TAF4: variants seen among roughly 807,000 people sequenced by gnomAD.
The protein encoded by TAF4 is transcription initiation factor TFIID subunit 4.
In TAF4, 9 loss-of-function variants were observed where a neutral mutation model predicts 90.3. The observed-to-expected ratio is 0.10, with a 90% CI of 0.06 to 0.17. The LOEUF is 0.17. Ranked by LOEUF, TAF4 falls within the 10% of genes least tolerant of loss-of-function variation. The pLI, the probability that TAF4 is intolerant of heterozygous loss-of-function variation, is 1.00. For synonymous variants in TAF4, 818 were observed against 638.9 expected (o/e 1.28, Z -4.23); for missense variants, 1,351 against 1,370.7 (o/e 0.99, Z 0.23).
intron 1 of TAF4, among the ~76,000 whole-genome samples, chr20:62,016,063 A>G (rs2055810336): frequency 6.6e-6 from 1 of 152,230 alleles, no homozygotes; most frequent in South Asian, 2.1e-4. Flanking sequence ...AAAGGCCTCC[A>G]AGGCTCCGTC....
intron 1 of TAF4, among the ~76,000 whole-genome samples, chr20:62,015,964 T>C (rs909860859): frequency 4.6e-5 from 7 of 152,158 alleles, no homozygotes; most frequent in Admixed American, 3.9e-4. Context: ...AAATAAACCA[T>C]GCTGAAATCA....
intron 1 of TAF4, chr20:62,064,166 G>C: frequency 5.6e-6 from 2 of 358,210 alleles, no homozygotes; most frequent in East Asian, 4.2e-5. Flanking sequence ...TCCACTAAGA[G>C]TCCTGGCTGA....
At chr20:62,056,590 C>T (rs1399692274) in intron 1 of TAF4, among the ~76,000 whole-genome samples, 1 of 152,072 alleles carries the variant, frequency 6.6e-6, no homozygotes, top group African/African-American at 2.4e-5. Context: ...CTGAGACCAC[C>T]GAGGGCCAAG....
intron 14 of TAF4, among the ~76,000 whole-genome samples, chr20:61,992,799 G>T (rs890382156): frequency 6.6e-6 from 1 of 152,234 alleles, no homozygotes; most frequent in East Asian, 1.9e-4. Context: ...ACGTCCAGAC[G>T]GCAAGGACAT....
chr20:62,026,408 G>A (rs886987692), intron 1 of TAF4, among the ~76,000 whole-genome samples: 1 of 152,162 alleles, frequency 6.6e-6, no homozygotes, highest in Non-Finnish European at 1.5e-5. Flanking sequence ...AGCTGCAGGG[G>A]TTCTCAGCTC....
chr20:61,980,023 T>TGG (rs980936451), intron 14 of TAF4: 4 of 152,512 alleles, frequency 2.6e-5, no homozygotes, highest in Non-Finnish European at 5.9e-5. Context: ...CACAGGGGCT[T>TGG]GGGGTTTGTT....
intron 1 of TAF4, among the ~76,000 whole-genome samples, chr20:62,044,087 T>C (rs1370554534): frequency 1.3e-5 from 2 of 152,250 alleles, no homozygotes; most frequent in Admixed American, 6.5e-5. Flanking sequence ...GCTTATTATA[T>C]GCTTTTTGCC....
chr20:62,045,025 A>G (rs1042681552), intron 1 of TAF4, among the ~76,000 whole-genome samples: 1 of 152,236 alleles, frequency 6.6e-6, no homozygotes, highest in African/African-American at 2.4e-5. Context: ...ACCTTGAGTG[A>G]CACATGAAAA....
chr20:62,020,392 C>A (rs1044876501), intron 1 of TAF4, among the ~76,000 whole-genome samples: 46 of 152,204 alleles, frequency 3.0e-4, no homozygotes, highest in African/African-American at 1.1e-3. Context: ...AACAGTCGCC[C>A]CTGCCAGCCC....
At position 62,010,555 on chromosome 20, in the gene TAF4, G is replaced by A. The variant is rs1268679921; in HGVS notation, c.1642-390C>T. On this transcript the variant is annotated intron_variant, in intron 3 of 14. Coordinates refer to ENST00000252996, the MANE Select transcript of TAF4 (RefSeq NM_003185.4). The surrounding 1 kb of genome is among the most constrained non-coding windows in gnomAD (Gnocchi z 4.5). Reference sequence around the variant, plus strand: ...AATCAAAACAACAAACAGAAGAACGGCTCCTGAAAGCTCCATCCTCCCAGG... The same window carrying A: ...AATCAAAACAACAAACAGAAGAACGACTCCTGAAAGCTCCATCCTCCCAGG... Among the ~76,000 whole-genome samples, 2 of 152,146 alleles carry A rather than the reference G, an allele frequency of 1.3e-5. No individual in the cohort carries two copies. Among genetic ancestry groups the A allele is most frequent in the East Asian group, 3.9e-4 (2 of 5,146 alleles).
At chr20:62,013,435 G>A (rs1036289635) in intron 2 of TAF4, among the ~76,000 whole-genome samples, 2 of 152,256 alleles carry the variant, frequency 1.3e-5, no homozygotes, top group African/African-American at 4.8e-5. Flanking sequence ...AAGAGCAGAT[G>A]GCAGACTGCA....
chr20:62,009,817 G>C (rs1416922626), intron 4 of TAF4, among the ~76,000 whole-genome samples: 1 of 152,194 alleles, frequency 6.6e-6, no homozygotes, highest in Non-Finnish European at 1.5e-5. Context: ...CAGGTGTTTG[G>C]GCTTTTGCTG....
intron 14 of TAF4, among the ~76,000 whole-genome samples, chr20:61,996,651 T>C (rs1232630754): frequency 6.6e-6 from 1 of 151,178 alleles, no homozygotes; most frequent in African/African-American, 2.4e-5. Context: ...ATACAGAAAT[T>C]AGCAGGGCGT....
chr20:62,014,832 A>G, intron 1 of TAF4, 125 bp from the exon 2 acceptor site: 1 of 1,290,480 alleles, frequency 7.7e-7, no homozygotes, highest in Non-Finnish European at 1.1e-6. Flanking sequence ...TCTTAAACAC[A>G]CGAATCCCCC....
chr20:62,064,665 C>T lies in TAF4; in HGVS notation c.1146G>A (p.Ala382=), dbSNP rs1481876767. 11 of 1,297,942 alleles carry T rather than the reference C, an allele frequency of 8.5e-6. No individual in the cohort carries two copies. Among genetic ancestry groups the T allele is most frequent in the Non-Finnish European group, 1.1e-5 (11 of 1,029,948 alleles). 80.4% of individuals were successfully genotyped at this position (1,297,942 alleles called of 1,614,324 possible). A position where few individuals can be genotyped will look rare whatever the true frequency, so the allele number is the denominator to read the frequency against. Residue 382 remains alanine, a synonymous_variant, in exon 1 of 15, where the codon GCG becomes GCA. Coordinates refer to ENST00000252996, the MANE Select transcript of TAF4 (RefSeq NM_003185.4). The part of the protein sequence containing the change: ...SMVIGPTMQG[A]LPSPAAVPPP... Reference sequence around the variant, plus strand: ...GCGGGACGGCGGCCGGGCTGGGCAGCGCCCCTTGCATAGTTGGCCCGATGA... The same window carrying T: ...GCGGGACGGCGGCCGGGCTGGGCAGTGCCCCTTGCATAGTTGGCCCGATGA...
chr20:62,029,077 T>A (rs928395696), intron 1 of TAF4, among the ~76,000 whole-genome samples: 2 of 151,314 alleles, frequency 1.3e-5, no homozygotes, highest in African/African-American at 2.4e-5. Flanking sequence ...GCGCCTGTAG[T>A]CCCAGCTACT....
At position 62,056,526 on chromosome 20, in the gene TAF4, T is replaced by G. The variant is rs181050586; in HGVS notation, c.1360+7925A>C. On this transcript the variant is annotated intron_variant, in intron 1 of 14. Coordinates refer to ENST00000252996, the MANE Select transcript of TAF4 (RefSeq NM_003185.4). ...AAGGCATTCACCTACAGGGGGCCAC[T>G]TGTCGCCATCAGCACAGCACCCTGG... 7.9e-5 allele frequency among the ~76,000 whole-genome samples: 12 copies of G among 152,270 alleles called. No individual in the cohort carries two copies. In the East Asian group the frequency reaches 1.5e-3, roughly 20 times the overall value.
At chr20:61,992,210 G>T (rs547312892) in intron 14 of TAF4, among the ~76,000 whole-genome samples, 1 of 152,130 alleles carries the variant, frequency 6.6e-6, no homozygotes, top group Admixed American at 6.6e-5. Flanking sequence ...CAAAGAGGGC[G>T]AAAGGGAGAG....
At chr20:62,028,632 T>C (rs2055887140) in intron 1 of TAF4, among the ~76,000 whole-genome samples, 1 of 152,174 alleles carries the variant, frequency 6.6e-6, no homozygotes, top group Non-Finnish European at 1.5e-5. Flanking sequence ...ACAGTGCACA[T>C]GCGTGTCTGT....
Sources: gnomAD v4.1 joint callset for allele counts (sites outside exome capture counted in the v4.1 genomes callset) on GRCh38, gnomAD v4.1.1 for gene constraint, Gnocchi (gnomAD v3.1) non-coding constraint, MANE v1.5 for transcripts, NCBI Gene and HGNC (gene_info 2026-07-23, HGNC 2026-07-21) for gene names.